Variants in ST6GALNAC3 observed in about 807,000 individuals in gnomAD.
ST6GALNAC3 encodes the protein ST6 N-acetylgalactosaminide alpha-2,6-sialyltransferase 3.
In ST6GALNAC3, 25 loss-of-function variants were observed where a neutral mutation model predicts 32.7. That is an observed-to-expected ratio of 0.76 (90% CI 0.56 to 1.07). ST6GALNAC3 has a LOEUF of 1.07. Ranked by LOEUF, ST6GALNAC3 falls within the 50% of genes least tolerant of loss-of-function variation. The pLI is 0.00. For synonymous variants in ST6GALNAC3, 129 were observed against 133.1 expected, an observed-to-expected ratio of 0.97 and a Z score of 0.21; for missense variants, 355 against 382.4, an observed-to-expected ratio of 0.93 and a Z score of 0.60.
At position 76,472,029 on chromosome 1, in the gene ST6GALNAC3, C is replaced by T. The variant is rs1659064345; in HGVS notation, c.623+59612C>T. ...TCATGAGTTAAAGCATTCAATGGCCCTAGCAAACATGACATTTAAGGAGGT... is the reference window on the plus strand; with the variant it reads ...TCATGAGTTAAAGCATTCAATGGCCTTAGCAAACATGACATTTAAGGAGGT... On this transcript the variant is annotated intron_variant, in intron 3 of 4. Coordinates refer to ENST00000328299, the MANE Select transcript of ST6GALNAC3 (RefSeq NM_152996.4). Among the ~76,000 whole-genome samples, 3 of 152,184 alleles carry T rather than the reference C, an allele frequency of 2.0e-5. No individual in the cohort carries two copies. The South Asian group carries it at 6.2e-4, about 32-fold the overall frequency.
intron 3 of ST6GALNAC3, among the ~76,000 whole-genome samples, chr1:76,579,949 G>A (rs1419197390): frequency 1.3e-5 from 2 of 151,954 alleles, no homozygotes; most frequent in South Asian, 2.1e-4. Flanking sequence ...ACAAAATACT[G>A]GTATTCTTAT....
intron 3 of ST6GALNAC3, among the ~76,000 whole-genome samples, chr1:76,421,686 C>T (rs980090216): frequency 5.3e-5 from 8 of 151,994 alleles, no homozygotes; most frequent in Admixed American, 4.6e-4. Flanking sequence ...AATAAATTGC[C>T]TTACTTTTTA....
At chr1:76,604,763 C>G (rs892219867) in intron 3 of ST6GALNAC3, among the ~76,000 whole-genome samples, 4 of 152,226 alleles carry the variant, frequency 2.6e-5, no homozygotes, top group Non-Finnish European at 5.9e-5. Flanking sequence ...AACTTGGTCT[C>G]TGGATTCTCC....
chr1:76,289,456 A>G (rs895281279), intron 1 of ST6GALNAC3, among the ~76,000 whole-genome samples: 2 of 152,256 alleles, frequency 1.3e-5, no homozygotes, highest in African/African-American at 4.8e-5. Context: ...CACCTGGCAC[A>G]TAGTATGGAA....
intron 3 of ST6GALNAC3, among the ~76,000 whole-genome samples, chr1:76,596,312 C>T (rs1283140381): frequency 6.6e-6 from 1 of 152,086 alleles, no homozygotes; most frequent in Non-Finnish European, 1.5e-5. Context: ...GCCTGTCTCT[C>T]CAGTTAGACA....
intron 3 of ST6GALNAC3, among the ~76,000 whole-genome samples, chr1:76,587,930 C>T (rs1182418658): frequency 6.6e-6 from 1 of 152,134 alleles, no homozygotes; most frequent in Non-Finnish European, 1.5e-5. Context: ...TCCACCAGGC[C>T]TTGAGGAGAG....
chr1:76,434,286 G>T (rs1398663817), intron 3 of ST6GALNAC3, among the ~76,000 whole-genome samples: 1 of 152,182 alleles, frequency 6.6e-6, no homozygotes, highest in Non-Finnish European at 1.5e-5. Context: ...GTACAATGGA[G>T]TGTTTAAATT....
At chr1:76,436,256 G>A (rs1043062999) in intron 3 of ST6GALNAC3, among the ~76,000 whole-genome samples, 2 of 152,062 alleles carry the variant, frequency 1.3e-5, no homozygotes, top group Admixed American at 1.3e-4. Flanking sequence ...GACTGAGTTC[G>A]AAGATAGATT....
intron 1 of ST6GALNAC3, chr1:76,308,029 G>A: frequency 2.7e-6 from 1 of 371,442 alleles, no homozygotes; most frequent in South Asian, 2.1e-5. Flanking sequence ...GGCCCCTTCA[G>A]ACTTGCCCAA....
chr1:76,456,589 C>A (rs548427424), intron 3 of ST6GALNAC3, among the ~76,000 whole-genome samples: 1 of 151,910 alleles, frequency 6.6e-6, no homozygotes, highest in Non-Finnish European at 1.5e-5. Flanking sequence ...TATACAGAAC[C>A]AAAGAAAAAA....
intron 3 of ST6GALNAC3, among the ~76,000 whole-genome samples, chr1:76,608,210 A>G (rs545824999): frequency 2.6e-5 from 4 of 152,366 alleles, no homozygotes; most frequent in African/African-American, 9.6e-5. Context: ...CACACATAAA[A>G]TAAATTAGTC....
chr1:76,216,029 T>C (rs1040020075), intron 1 of ST6GALNAC3, among the ~76,000 whole-genome samples: 21 of 152,130 alleles, frequency 1.4e-4, no homozygotes, highest in African/African-American at 4.8e-4. Context: ...CCTCTCCTCA[T>C]CTCTTACTCT....
intron 2 of ST6GALNAC3, among the ~76,000 whole-genome samples, chr1:76,324,895 T>A (rs1647037189): frequency 6.6e-6 from 1 of 152,228 alleles, no homozygotes; most frequent in African/African-American, 2.4e-5. Flanking sequence ...TTGCTTTTTT[T>A]ATTAATTATT....
intron 1 of ST6GALNAC3, among the ~76,000 whole-genome samples, chr1:76,081,183 A>G (rs898854503): frequency 3.3e-5 from 5 of 152,216 alleles, no homozygotes; most frequent in South Asian, 4.2e-4. Context: ...GTGTGGTTGT[A>G]AAGCAGGGGT....
chr1:76,472,346 C>T (rs1659085492), intron 3 of ST6GALNAC3, among the ~76,000 whole-genome samples: 1 of 152,064 alleles, frequency 6.6e-6, no homozygotes, highest in Non-Finnish European at 1.5e-5. Context: ...TGTCGTTTCT[C>T]TTCATGAATA....
At chr1:76,326,826 GT>G (rs11331532) in intron 2 of ST6GALNAC3, among the ~76,000 whole-genome samples, 42,688 of 113,312 alleles carry the variant, frequency 0.38, 5,266 homozygotes, top group African/African-American at 0.44. Flanking sequence ...GAAGTTTTGG[GT>G]TTTTTTTTTT....
intron 3 of ST6GALNAC3, among the ~76,000 whole-genome samples, chr1:76,486,753 T>G (rs1175730946): frequency 6.6e-6 from 1 of 152,212 alleles, no homozygotes; most frequent in Non-Finnish European, 1.5e-5. Flanking sequence ...TATGTGTGAA[T>G]TTGATCCTGT....
chr1:76,299,056 A>G (rs1302842952), intron 1 of ST6GALNAC3, among the ~76,000 whole-genome samples: 2 of 152,112 alleles, frequency 1.3e-5, no homozygotes, highest in Non-Finnish European at 2.9e-5. Flanking sequence ...AATAAAATGC[A>G]TAAAAATGTC....
intron 3 of ST6GALNAC3, among the ~76,000 whole-genome samples, chr1:76,448,632 C>T (rs1657158350): frequency 6.6e-6 from 1 of 152,080 alleles, no homozygotes; most frequent in Non-Finnish European, 1.5e-5. Flanking sequence ...CATGGTTTCC[C>T]ATGCTGTTCT....
Sources: allele counts gnomAD v4.1 joint callset (sites outside exome capture counted in the v4.1 genomes callset), GRCh38; gene constraint gnomAD v4.1.1; transcripts MANE v1.5; gene names NCBI Gene and HGNC (gene_info 2026-07-23, HGNC 2026-07-21).